Variants in LINGO2 observed in about 807,000 individuals in gnomAD.
LINGO2 encodes the protein leucine rich repeat and Ig domain containing 2.
In LINGO2, 14 loss-of-function variants were observed where a neutral mutation model predicts 30.6. That is an observed-to-expected ratio of 0.46 (90% CI 0.30 to 0.72). The LOEUF is 0.72. Among genes scored for constraint, LINGO2 ranks in the 30% least tolerant of loss-of-function variants. LINGO2 has a pLI of 0.07. For synonymous variants in LINGO2, 317 were observed against 288.5 expected, an observed-to-expected ratio of 1.10 and a Z score of -1.00; for missense variants, 729 against 751.7, an observed-to-expected ratio of 0.97 and a Z score of 0.35.
At chr9:28,182,159 G>A (rs759752964) in intron 4 of LINGO2, among the ~76,000 whole-genome samples, 57 of 151,898 alleles carry the variant, frequency 3.8e-4, no homozygotes, top group African/African-American at 1.3e-3. Flanking sequence ...AAACAACACC[G>A]CACCTCTACA....
chr9:28,482,441 C>T (rs994313412), intron 1 of LINGO2, among the ~76,000 whole-genome samples: 1 of 152,084 alleles, frequency 6.6e-6, no homozygotes, highest in Non-Finnish European at 1.5e-5. Flanking sequence ...AGTGTCTGTT[C>T]ATGTCCTTTG....
At chr9:28,986,115 T>C in the LINGO2 span, among the ~76,000 whole-genome samples, 1 of 152,114 alleles carries the variant, frequency 6.6e-6, no homozygotes, top group Non-Finnish European at 1.5e-5. Context: ...GAAGAGGCTA[T>C]ATTATTCTTT....
intron 4 of LINGO2, among the ~76,000 whole-genome samples, chr9:28,223,875 A>G (rs1040884209): frequency 5.9e-5 from 9 of 152,216 alleles, no homozygotes; most frequent in Admixed American, 2.0e-4. Context: ...AAGAGTATTT[A>G]GCCCCCAAAA....
intron 1 of LINGO2, among the ~76,000 whole-genome samples, chr9:28,544,952 T>C (rs1193997663): frequency 2.6e-5 from 4 of 151,546 alleles, no homozygotes; most frequent in Non-Finnish European, 5.9e-5. Context: ...TTAATATCTA[T>C]AGATTACTTA....
At chr9:28,225,222 T>C (rs1821106384) in intron 4 of LINGO2, among the ~76,000 whole-genome samples, 1 of 152,122 alleles carries the variant, frequency 6.6e-6, no homozygotes, top group South Asian at 2.1e-4. Context: ...AAGAAACAAA[T>C]ACAACACTTA....
At chr9:28,590,656 C>A (rs1022217284) in intron 1 of LINGO2, among the ~76,000 whole-genome samples, 1 of 151,972 alleles carries the variant, frequency 6.6e-6, no homozygotes, top group African/African-American at 2.4e-5. Flanking sequence ...AGTCAGGAAA[C>A]GACAGGTGCT....
chr9:28,945,788 C>T, the LINGO2 span, among the ~76,000 whole-genome samples: 7 of 152,074 alleles, frequency 4.6e-5, no homozygotes, highest in Non-Finnish European at 1.0e-4. Context: ...CTCATGATAA[C>T]GGAACATTGT....
chr9:28,387,890 A>G (rs558260945), intron 2 of LINGO2, among the ~76,000 whole-genome samples: 2 of 152,284 alleles, frequency 1.3e-5, no homozygotes, highest in African/African-American at 2.4e-5. Flanking sequence ...ATCAGAAGGA[A>G]CAAACTCCGG....
At chr9:28,854,109 G>A in the LINGO2 span, among the ~76,000 whole-genome samples, 1 of 151,918 alleles carries the variant, frequency 6.6e-6, no homozygotes, top group Non-Finnish European at 1.5e-5. Context: ...TAGTACTAGA[G>A]GGTAGAGGCC....
At chr9:29,176,458 T>C in the LINGO2 span, among the ~76,000 whole-genome samples, 2 of 152,182 alleles carry the variant, frequency 1.3e-5, no homozygotes, top group South Asian at 2.1e-4. Context: ...TTACAATCCC[T>C]GTCCCCTACA....
chr9:28,140,311 A>G (rs1237931033), intron 4 of LINGO2, among the ~76,000 whole-genome samples: 1 of 152,218 alleles, frequency 6.6e-6, no homozygotes, highest in Non-Finnish European at 1.5e-5. Context: ...TTGCAACACA[A>G]AGGCAGAGAT....
chr9:29,136,763 G>GCTT, the LINGO2 span, among the ~76,000 whole-genome samples: 2 of 151,948 alleles, frequency 1.3e-5, no homozygotes, highest in Non-Finnish European at 2.9e-5. Flanking sequence ...CATAACCACG[G>GCTT]CTTCAAATGT....
At chr9:29,106,086 T>A in the LINGO2 span, among the ~76,000 whole-genome samples, 4,247 of 152,294 alleles carry the variant, frequency 0.028, 187 homozygotes, top group African/African-American at 0.096. Flanking sequence ...GCATCTCATT[T>A]CTTTGGCAAT....
At chr9:28,315,853 C>G (rs1824825215) in intron 3 of LINGO2, among the ~76,000 whole-genome samples, 1 of 152,056 alleles carries the variant, frequency 6.6e-6, no homozygotes, top group Admixed American at 6.5e-5. Context: ...GTACATAATT[C>G]TTAGTATAGG....
intron 4 of LINGO2, among the ~76,000 whole-genome samples, chr9:28,251,947 G>A (rs1372625454): frequency 6.6e-6 from 1 of 152,114 alleles, no homozygotes. Flanking sequence ...CAAGGGTTAG[G>A]AGATCTTGAT....
intron 2 of LINGO2, among the ~76,000 whole-genome samples, chr9:28,468,473 C>A (rs1825396594): frequency 6.6e-6 from 1 of 152,104 alleles, no homozygotes; most frequent in South Asian, 2.1e-4. Flanking sequence ...GGGGAAGTTG[C>A]AGGTCCACAG....
the LINGO2 span, among the ~76,000 whole-genome samples, chr9:28,693,657 T>C: frequency 6.6e-6 from 1 of 152,094 alleles, no homozygotes; most frequent in Non-Finnish European, 1.5e-5. Context: ...GTCTTGGAGT[T>C]AAATAAGTTC....
chr9:28,780,672 A>C, the LINGO2 span, among the ~76,000 whole-genome samples: 435 of 152,200 alleles, frequency 2.9e-3, 3 homozygotes, highest in African/African-American at 0.01. Context: ...ATTGTGTATT[A>C]CTTTTAAGGG....
chr9:28,739,952 T>TA, the LINGO2 span, among the ~76,000 whole-genome samples: 15 of 119,824 alleles, frequency 1.3e-4, no homozygotes, highest in East Asian at 7.2e-4. Flanking sequence ...ATATATATAT[T>TA]TTTTTTTTCT....
Sources: allele counts gnomAD v4.1 joint callset (sites outside exome capture counted in the v4.1 genomes callset), GRCh38; gene constraint gnomAD v4.1.1; transcripts MANE v1.5; gene names NCBI Gene and HGNC (gene_info 2026-07-23, HGNC 2026-07-21).